Variants in THSD4 observed in about 807,000 individuals in gnomAD.
The protein encoded by THSD4 is thrombospondin type 1 domain containing 4.
A neutral mutation model predicts 119.0 loss-of-function variants in THSD4; 69 were observed. The observed-to-expected ratio is 0.58, with a 90% CI of 0.48 to 0.71. The LOEUF (loss-of-function observed/expected upper bound fraction) is 0.71, where lower values mean the gene tolerates loss of function less well. Among genes scored for constraint, THSD4 ranks in the 30% least tolerant of loss-of-function variants. THSD4 has a pLI of 0.00. For synonymous variants in THSD4, 524 were observed against 540.4 expected, an observed-to-expected ratio of 0.97 and a Z score of 0.42; for missense variants, 1,393 against 1,391.1, an observed-to-expected ratio of 1.00 and a Z score of -0.02.
intron 7 of THSD4, chr15:71,547,306 A>G (rs2048851406): frequency 1.3e-6 from 2 of 1,522,328 alleles, no homozygotes; most frequent in South Asian, 1.3e-5. Flanking sequence ...CGCGGTGCCT[A>G]GCGGAACTCC....
At chr15:71,258,402 C>T (rs1015366965) in intron 6 of THSD4, among the ~76,000 whole-genome samples, 10 of 152,142 alleles carry the variant, frequency 6.6e-5, no homozygotes, top group Non-Finnish European at 1.3e-4. Flanking sequence ...TGACCTCGAA[C>T]TCCTGATCTC....
intron 2 of THSD4, among the ~76,000 whole-genome samples, chr15:71,149,575 C>T (rs1275487967): frequency 6.6e-6 from 1 of 152,062 alleles, no homozygotes; most frequent in Non-Finnish European, 1.5e-5. Context: ...CTCCAGAGTG[C>T]ACTAGGCAGG....
chr15:71,509,270 T>C (rs2140751610), intron 7 of THSD4, among the ~76,000 whole-genome samples: 1 of 152,368 alleles, frequency 6.6e-6, no homozygotes, highest in African/African-American at 2.4e-5. Flanking sequence ...ATTCATCCAC[T>C]GCATTGCAAA....
intron 6 of THSD4, among the ~76,000 whole-genome samples, chr15:71,380,520 A>G (rs1416143257): frequency 6.6e-6 from 1 of 152,102 alleles, no homozygotes; most frequent in East Asian, 1.9e-4. Flanking sequence ...TGTGATCACT[A>G]TCAAGAGAAT....
At chr15:71,199,924 T>TGTGTGTGTGTAGTGTGTGTGTA (rs2043786502) in intron 3 of THSD4, among the ~76,000 whole-genome samples, 1 of 42,584 alleles carries the variant, frequency 2.3e-5, no homozygotes, top group Non-Finnish European at 5.9e-5. Flanking sequence ...GGGGTGTGTG[T>TGTGTGTGTGTAGTGTGTGTGTA]GTGTGTGTGT....
intron 7 of THSD4, chr15:71,547,445 C>T (rs114884804): frequency 8.4e-6 from 13 of 1,550,402 alleles, no homozygotes; most frequent in African/African-American, 5.5e-5. Flanking sequence ...CATTGCTCCA[C>T]GTTCAAACAG....
At chr15:71,642,168 AG>A (rs1228256580) in intron 7 of THSD4, among the ~76,000 whole-genome samples, 6 of 152,324 alleles carry the variant, frequency 3.9e-5, no homozygotes, top group Admixed American at 2.6e-4. Flanking sequence ...TCAGATAGAC[AG>A]GGCTCTTGCA....
chr15:71,766,346 G>T (rs1449503154), intron 16 of THSD4, among the ~76,000 whole-genome samples: 1 of 152,066 alleles, frequency 6.6e-6, no homozygotes, highest in Admixed American at 6.6e-5. Context: ...AGTGGAGGAA[G>T]GGTCATTCTG....
At chr15:71,493,409 T>C (rs1362007514) in intron 7 of THSD4, among the ~76,000 whole-genome samples, 3 of 152,216 alleles carry the variant, frequency 2.0e-5, no homozygotes, top group African/African-American at 7.2e-5. Flanking sequence ...AATGATAACC[T>C]CTATTTATGT....
chr15:71,747,572 C>T (rs565146164), intron 13 of THSD4, among the ~76,000 whole-genome samples: 35 of 152,290 alleles, frequency 2.3e-4, no homozygotes, highest in Non-Finnish European at 3.7e-4. Context: ...GGAGAGGAGA[C>T]GGGGACCCCT....
At chr15:71,551,394 G>A (rs1225827500) in intron 7 of THSD4, among the ~76,000 whole-genome samples, 4 of 152,152 alleles carry the variant, frequency 2.6e-5, no homozygotes, top group Non-Finnish European at 5.9e-5. Context: ...AATTGCAAGA[G>A]CAATGGGAAG....
chr15:71,551,761 C>A (rs959312354), intron 7 of THSD4, among the ~76,000 whole-genome samples: 11 of 152,130 alleles, frequency 7.2e-5, no homozygotes, highest in African/African-American at 2.7e-4. Flanking sequence ...GCCTAGAGCC[C>A]AGCATCTTTA....
intron 7 of THSD4, among the ~76,000 whole-genome samples, chr15:71,507,627 C>G (rs1213820354): frequency 6.6e-6 from 1 of 152,156 alleles, no homozygotes; most frequent in Non-Finnish European, 1.5e-5. Flanking sequence ...GTTACCTCCC[C>G]ACATTGCCAC....
At chr15:71,128,472 A>C (rs2141359144) in intron 1 of THSD4, among the ~76,000 whole-genome samples, 1 of 150,222 alleles carries the variant, frequency 6.7e-6, no homozygotes, top group East Asian at 2.0e-4. Flanking sequence ...GGTTGCCATG[A>C]GCCAAGATCA....
At chr15:71,184,835 T>C (rs1043067381) in intron 3 of THSD4, among the ~76,000 whole-genome samples, 3 of 151,834 alleles carry the variant, frequency 2.0e-5, no homozygotes, top group Non-Finnish European at 4.4e-5. Context: ...TGTCCTGAAA[T>C]GTGATGGAAG....
At chr15:71,536,970 T>C (rs985004314) in intron 7 of THSD4, among the ~76,000 whole-genome samples, 1 of 152,222 alleles carries the variant, frequency 6.6e-6, no homozygotes, top group South Asian at 2.1e-4. Context: ...AATGGCATGG[T>C]CACTCTAAAG....
intron 6 of THSD4, among the ~76,000 whole-genome samples, chr15:71,409,145 CTTT>C (rs762462184): frequency 1.4e-4 from 17 of 122,042 alleles, no homozygotes; most frequent in Non-Finnish European, 2.9e-4. Flanking sequence ...TCACGTTTAG[CTTT>C]TTTTTTTCCC....
Position 71,651,834 on chromosome 15 carries a change from AGTT to A in THSD4, c.1153-8692_1153-8690del, listed in dbSNP as rs2051095847. ...GATCACTGCTTCTTGTACTTAAACTAGTTGTTTAGGTAAGTACCCTCTTGCAAA... is the reference window on the plus strand; with the variant it reads ...GATCACTGCTTCTTGTACTTAAACTAGTTTAGGTAAGTACCCTCTTGCAAA... On this transcript the variant is annotated intron_variant, in intron 7 of 17. Coordinates refer to ENST00000261862, the MANE Select transcript of THSD4 (RefSeq NM_024817.3). 3.3e-5 allele frequency among the ~76,000 whole-genome samples: 5 copies of A among 152,144 alleles called. No individual in the cohort carries two copies. In the South Asian group the frequency reaches 1.0e-3, roughly 32 times the overall value.
chr15:71,337,104 A>G (rs939948244), intron 6 of THSD4, among the ~76,000 whole-genome samples: 1 of 152,124 alleles, frequency 6.6e-6, no homozygotes, highest in African/African-American at 2.4e-5. Flanking sequence ...TGATGTAGTG[A>G]CCGCCTTGGT....
Sources: gnomAD v4.1 joint callset for allele counts (sites outside exome capture counted in the v4.1 genomes callset) on GRCh38, gnomAD v4.1.1 for gene constraint, MANE v1.5 for transcripts, NCBI Gene and HGNC (gene_info 2026-07-23, HGNC 2026-07-21) for gene names.